Variants in MGAT4C observed in about 807,000 individuals in gnomAD.
MGAT4C encodes alpha-1,3-mannosyl-glycoprotein 4-beta-N-acetylglucosaminyltransferase C.
In MGAT4C, 19 loss-of-function variants were observed where a neutral mutation model predicts 40.1. The observed-to-expected ratio is 0.47, with a 90% CI of 0.33 to 0.70. The LOEUF (loss-of-function observed/expected upper bound fraction) is 0.70. Ranked by LOEUF, MGAT4C falls within the 30% of genes least tolerant of loss-of-function variation. The pLI, the probability that MGAT4C is intolerant of heterozygous loss-of-function variation, is 0.02. For missense variants in MGAT4C, 491 were observed against 563.2 expected (o/e 0.87, Z 1.30); for synonymous variants, 181 against 187.1 (o/e 0.97, Z 0.27).
chr12:86,495,618 G>T (rs1373567785), intron 2 of MGAT4C, among the ~76,000 whole-genome samples: 1 of 151,966 alleles, frequency 6.6e-6, no homozygotes, highest in Non-Finnish European at 1.5e-5. Flanking sequence ...TTTTAATCTG[G>T]ATCCCAGATG....
chr12:86,227,942 T>C (rs1951160100), intron 1 of MGAT4C, among the ~76,000 whole-genome samples: 1 of 151,988 alleles, frequency 6.6e-6, no homozygotes, highest in Non-Finnish European at 1.5e-5. Flanking sequence ...TCCAAGTTTC[T>C]GAATCATGGC....
intron 2 of MGAT4C, among the ~76,000 whole-genome samples, chr12:86,552,564 T>C (rs532802624): frequency 6.6e-6 from 1 of 152,128 alleles, no homozygotes; most frequent in Non-Finnish European, 1.5e-5. Context: ...ATGTTTGAGA[T>C]GAATAGTTAT....
intron 2 of MGAT4C, among the ~76,000 whole-genome samples, chr12:86,589,809 G>A (rs948393718): frequency 1.3e-5 from 2 of 151,984 alleles, no homozygotes; most frequent in Non-Finnish European, 2.9e-5. Context: ...AAAACCACAT[G>A]ATTATCTCAA....
At chr12:86,159,272 C>T (rs549017911) in intron 1 of MGAT4C, among the ~76,000 whole-genome samples, 3 of 151,772 alleles carry the variant, frequency 2.0e-5, no homozygotes, top group Non-Finnish European at 4.4e-5. Flanking sequence ...CATCATTTTC[C>T]GAGTATTGAG....
chr12:86,264,446 C>T (rs920674957), intron 4 of MGAT4C, among the ~76,000 whole-genome samples: 2 of 152,326 alleles, frequency 1.3e-5, no homozygotes, highest in Non-Finnish European at 2.9e-5. Context: ...GGAGCTGCCA[C>T]TGCGAAGACG....
intron 2 of MGAT4C, among the ~76,000 whole-genome samples, chr12:86,485,190 C>G (rs1160574474): frequency 6.6e-6 from 1 of 152,130 alleles, no homozygotes; most frequent in East Asian, 1.9e-4. Context: ...TCAGAGTGTC[C>G]TCTTACTTCC....
chr12:86,145,410 G>C (rs1883385276), intron 1 of MGAT4C, among the ~76,000 whole-genome samples: 1 of 152,040 alleles, frequency 6.6e-6, no homozygotes, highest in African/African-American at 2.4e-5. Flanking sequence ...AAATAAATTG[G>C]GTTGTGCACA....
intron 2 of MGAT4C, among the ~76,000 whole-genome samples, chr12:86,560,539 A>G (rs1959812185): frequency 6.6e-6 from 1 of 152,176 alleles, no homozygotes. Context: ...CCACAAAGCC[A>G]TATGACCATC....
At chr12:86,465,226 A>C (rs1162700457) in intron 2 of MGAT4C, among the ~76,000 whole-genome samples, 1 of 152,180 alleles carries the variant, frequency 6.6e-6, no homozygotes, top group African/African-American at 2.4e-5. Context: ...AAAATTAATA[A>C]AAAATGGATA....
In MGAT4C at chr12:85,957,075, TA is replaced by T. The variant is rs1882832096; in HGVS notation, c.*22213del. ...GAGCCCTTTGCTGCTGGCAAAGCTT[TA>T]AAAATATGTTATTATTTTGTTATTA... On this transcript the variant is annotated 3_prime_UTR_variant, in exon 5 of 5. Transcript: ENST00000611864. 6.6e-6 allele frequency: 1 copy of T among 152,182 alleles called. No homozygotes were observed. The highest frequency in any genetic ancestry group is 6.5e-5 in the Admixed American group (1 of 15,270). 9.4% of individuals were successfully genotyped at this position (152,182 alleles called of 1,614,324 possible). A position where few individuals can be genotyped will look rare whatever the true frequency, so the allele number is the denominator to read the frequency against.
At chr12:86,629,055 G>A (rs1468031552) in intron 2 of MGAT4C, among the ~76,000 whole-genome samples, 1 of 151,938 alleles carries the variant, frequency 6.6e-6, no homozygotes, top group Non-Finnish European at 1.5e-5. Context: ...AAGGGATGGA[G>A]GAAGATCTAC....
intron 2 of MGAT4C, among the ~76,000 whole-genome samples, chr12:86,546,656 G>A (rs1959194478): frequency 1.3e-5 from 2 of 152,038 alleles, no homozygotes; most frequent in African/African-American, 4.8e-5. Context: ...TACCTGCTGT[G>A]AAAGTGTATT....
At chr12:86,661,125 T>C (rs535290329) in intron 2 of MGAT4C, among the ~76,000 whole-genome samples, 1 of 152,192 alleles carries the variant, frequency 6.6e-6, no homozygotes, top group East Asian at 1.9e-4. Flanking sequence ...ATAGCTTGGG[T>C]TCTTTCTATA....
rs564669319 is a variant in MGAT4C, at chr12:86,834,808, G to A, written c.-262+3858C>T. On this transcript the variant is annotated intron_variant, in intron 1 of 7. Transcript: ENST00000548651. ...GTGTGTAGGCGGGTTGTAGGTTTAA[G>A]ACTGGGTTGGCACTGTCAACAGACA... Among the ~76,000 whole-genome samples the A allele has an allele frequency of 3.5e-4, 53 of 152,014 alleles. 3 individuals are homozygous for A. The East Asian group carries it at 3.9e-3, about 11-fold the overall frequency.
chr12:86,478,095 A>T (rs2136310190), intron 2 of MGAT4C, among the ~76,000 whole-genome samples: 1 of 152,278 alleles, frequency 6.6e-6, no homozygotes, highest in East Asian at 1.9e-4. Flanking sequence ...ATTAAAAATT[A>T]AATAGTAAAC....
At chr12:86,204,220 G>C (rs1194423238) in intron 1 of MGAT4C, among the ~76,000 whole-genome samples, 1 of 151,470 alleles carries the variant, frequency 6.6e-6, no homozygotes, top group Non-Finnish European at 1.5e-5. Flanking sequence ...TTGATCACAA[G>C]AAAAATTTTT....
intron 4 of MGAT4C, among the ~76,000 whole-genome samples, chr12:86,304,336 T>A (rs7972484): frequency 1.3e-5 from 2 of 149,948 alleles, no homozygotes; most frequent in Non-Finnish European, 2.9e-5. Flanking sequence ...GTTGTTATTT[T>A]TGGCATTTTT....
chr12:86,294,130 T>A (rs116343240), intron 4 of MGAT4C, among the ~76,000 whole-genome samples: 2 of 149,332 alleles, frequency 1.3e-5, no homozygotes, highest in Non-Finnish European at 1.5e-5. Flanking sequence ...AAAACAATAT[T>A]AAAAAAAAAA....
intron 2 of MGAT4C, among the ~76,000 whole-genome samples, chr12:86,490,983 T>G (rs999370302): frequency 1.3e-5 from 2 of 152,118 alleles, no homozygotes; most frequent in African/African-American, 4.8e-5. Flanking sequence ...AACACCCCAC[T>G]GTCAACATTA....
Sources: allele counts gnomAD v4.1 joint callset (sites outside exome capture counted in the v4.1 genomes callset), GRCh38; gene constraint gnomAD v4.1.1; transcripts MANE v1.5; gene names NCBI Gene and HGNC (gene_info 2026-07-23, HGNC 2026-07-21).